The following RGS3 variants were observed in gnomAD, a reference collection of about 807,000 sequenced individuals.
RGS3 encodes regulator of G-protein signalling 3.
In RGS3, 80 loss-of-function variants were observed where a neutral mutation model predicts 132.6. That is an observed-to-expected ratio of 0.60 (90% confidence interval 0.50 to 0.73). RGS3 has a LOEUF of 0.73. Among genes scored for constraint, RGS3 ranks in the 30% least tolerant of loss-of-function variants. RGS3 has a pLI of 0.00. For missense variants in RGS3, 1,382 were observed against 1,530.8 expected, an observed-to-expected ratio of 0.90 and a Z score of 1.62; for synonymous variants, 598 against 620.6, an observed-to-expected ratio of 0.96 and a Z score of 0.54.
upstream of RGS3, among the ~76,000 whole-genome samples, chr9:113,456,408 G>A (rs1286487094): frequency 6.6e-6 from 1 of 152,174 alleles, no homozygotes; most frequent in African/African-American, 2.4e-5. Flanking sequence ...GTTCAGCCCT[G>A]CCTCTCATGT....
rs563136494 is a variant in RGS3, at chr9:113,591,748, C to T, written c.3080+351C>T. 77 of 233,814 alleles carry T rather than the reference C, an allele frequency of 3.3e-4. No individual in the cohort carries two copies. Among genetic ancestry groups the T allele is most frequent in the African/African-American group, 1.5e-3 (70 of 45,696 alleles). 14.5% of individuals were successfully genotyped at this position (233,814 alleles called of 1,614,324 possible). On this transcript the variant is annotated intron_variant, in intron 21 of 24. Coordinates refer to ENST00000350696, the Ensembl canonical transcript of RGS3. This position sits in a 1 kb window ranked among gnomAD's most constrained non-coding sequence, Gnocchi z 4.4. ...TTGCTCCCTCTGGGCCCAAGAGTGA[C>T]CTGAGAAGGGGTGGAACTGACAGTC...
intron 21 of RGS3, chr9:113,593,582 C>T (rs1049736434): frequency 1.0e-5 from 3 of 286,936 alleles, no homozygotes; most frequent in Non-Finnish European, 1.9e-5. Context: ...TGTTGGGGTC[C>T]TGCTGTATAT....
intron 3 of RGS3, among the ~76,000 whole-genome samples, chr9:113,472,573 T>A (rs1564458079): frequency 1.3e-5 from 2 of 152,054 alleles, no homozygotes; most frequent in South Asian, 2.1e-4. Context: ...AATAGGCAAG[T>A]CCTTAGAGAC....
In RGS3 at chr9:113,590,810, C is replaced by T. The variant is rs184680797; in HGVS notation, c.3016-523C>T. On this transcript the variant is annotated intron_variant, in intron 20 of 24. Transcript: ENST00000350696. Reference sequence around the variant, plus strand: ...GTGTTACGGAGTTTGAATGTTATCCCGAGGGCACTAGGGAGCCATGGAAAG... The same window carrying T: ...GTGTTACGGAGTTTGAATGTTATCCTGAGGGCACTAGGGAGCCATGGAAAG... Among the ~76,000 whole-genome samples, 6 of 152,218 alleles carry T rather than the reference C, an allele frequency of 3.9e-5. No homozygotes were observed. In the East Asian group the frequency reaches 7.7e-4, roughly 20 times the overall value.
chr9:113,538,201 A>G (rs1290484000), intron 19 of RGS3, among the ~76,000 whole-genome samples: 1 of 152,194 alleles, frequency 6.6e-6, no homozygotes, highest in African/African-American at 2.4e-5. Flanking sequence ...GTAGGCACTC[A>G]CTCAACCATA....
intron 20 of RGS3, among the ~76,000 whole-genome samples, chr9:113,590,231 ATTG>A (rs1166473968): frequency 4.6e-5 from 7 of 152,160 alleles, no homozygotes; most frequent in African/African-American, 1.4e-4. Flanking sequence ...TTATAGGTTT[ATTG>A]TGAGGTTTAA....
intron 7 of RGS3, among the ~76,000 whole-genome samples, chr9:113,493,083 C>G (rs1430069311): frequency 6.6e-6 from 1 of 152,194 alleles, no homozygotes; most frequent in Non-Finnish European, 1.5e-5. Context: ...CTGGAGTTCT[C>G]TTGAATGTGT....
intron 3 of RGS3, among the ~76,000 whole-genome samples, chr9:113,465,296 C>T (rs1370358350): frequency 7.2e-5 from 11 of 152,046 alleles, no homozygotes; most frequent in African/African-American, 1.4e-4. Context: ...CTTTTTTCCT[C>T]CTTATTATCA....
chr9:113,479,744 G>A (rs1279006558), intron 4 of RGS3, among the ~76,000 whole-genome samples: 3 of 152,182 alleles, frequency 2.0e-5, no homozygotes, highest in African/African-American at 4.8e-5. Context: ...GGATGTGTCT[G>A]GAGTCCACAT....
chr9:113,449,457 C>T (rs185193848), intron 1 of RGS3, among the ~76,000 whole-genome samples: 12 of 152,182 alleles, frequency 7.9e-5, no homozygotes, highest in African/African-American at 2.4e-4. Context: ...ATGAGAATTC[C>T]GTCAATGTGT....
intron 1 of RGS3, among the ~76,000 whole-genome samples, chr9:113,449,643 A>G (rs934095120): frequency 3.9e-4 from 60 of 152,338 alleles, no homozygotes; most frequent in African/African-American, 1.4e-3. Context: ...TGGTTGACAT[A>G]GGGATTATTT....
upstream of RGS3, among the ~76,000 whole-genome samples, chr9:113,455,965 G>A (rs917357189): frequency 1.4e-4 from 21 of 152,022 alleles, no homozygotes; most frequent in African/African-American, 5.1e-4. Context: ...TGAAGTTGTT[G>A]CCCCCCAGCA....
chr9:113,499,265 G>A (rs907683804), intron 10 of RGS3, among the ~76,000 whole-genome samples: 2 of 147,914 alleles, frequency 1.4e-5, no homozygotes, highest in Non-Finnish European at 3.0e-5. Flanking sequence ...CAAACTCCCA[G>A]CAATTCATTA....
chr9:113,451,624 A>T (rs1422279201), intron 1 of RGS3, among the ~76,000 whole-genome samples: 1 of 151,840 alleles, frequency 6.6e-6, no homozygotes, highest in Admixed American at 6.6e-5. Context: ...GCTTCTTGCA[A>T]TTATCTAATC....
upstream of RGS3, among the ~76,000 whole-genome samples, chr9:113,455,552 G>A (rs12343940): frequency 0.086 from 13,147 of 152,172 alleles, 661 homozygotes; most frequent in Non-Finnish European, 0.097. Flanking sequence ...TGGTGGTGAA[G>A]GTTTGGTCTC....
chr9:113,572,516 T>A (rs1477306838), intron 19 of RGS3, among the ~76,000 whole-genome samples: 1 of 152,064 alleles, frequency 6.6e-6, no homozygotes, highest in Non-Finnish European at 1.5e-5. Flanking sequence ...AGCCTCTTTT[T>A]TTTACTGGAT....
intron 19 of RGS3, among the ~76,000 whole-genome samples, chr9:113,551,302 A>C (rs7870227): frequency 0.12 from 18,120 of 152,256 alleles, 1,309 homozygotes; most frequent in African/African-American, 0.19. Context: ...TGTATCAGCA[A>C]CTAATTCCTT....
intron 17 of RGS3, among the ~76,000 whole-genome samples, chr9:113,526,010 G>A (rs542779815): frequency 1.6e-4 from 25 of 152,344 alleles, no homozygotes; most frequent in African/African-American, 6.0e-4. Context: ...GGGAACAGGC[G>A]GAGAGCTGGC....
At position 113,537,236 on chromosome 9, in the gene RGS3, T is replaced by G. The variant is rs1180894390; in HGVS notation, c.2037+318T>G. ...CTGGCCTCCCTGATGCTGCCTGGCA[T>G]GCGTTCACCTCTGCCATTGGGTAGC... On this transcript the variant is annotated intron_variant, in intron 19 of 24. Coordinates refer to ENST00000350696, the Ensembl canonical transcript of RGS3. The surrounding 1 kb of genome is among the most constrained non-coding windows in gnomAD (Gnocchi z 4.3). Among the ~76,000 whole-genome samples the G allele has an allele frequency of 6.6e-6, 1 of 152,266 alleles. No homozygotes were observed. The highest frequency in any genetic ancestry group is 6.5e-5 in the Admixed American group (1 of 15,294).
Sources: allele counts gnomAD v4.1 joint callset (sites outside exome capture counted in the v4.1 genomes callset), GRCh38; gene constraint gnomAD v4.1.1; non-coding constraint Gnocchi (gnomAD v3.1); transcripts MANE v1.5; gene names NCBI Gene and HGNC (gene_info 2026-07-23, HGNC 2026-07-21).